The following P3H2 variants were observed in gnomAD, a reference collection of about 807,000 sequenced individuals.
P3H2 encodes the protein leprecan-like 1.
Under a neutral mutation model 87.0 loss-of-function variants are expected in P3H2, and 80 were observed. That is an observed-to-expected ratio of 0.92 (90% CI 0.77 to 1.11). The LOEUF (loss-of-function observed/expected upper bound fraction) is 1.11, where lower values mean the gene tolerates loss of function less well. P3H2 is among the 50% of genes least tolerant of loss of function. P3H2 has a pLI of 0.00. For synonymous variants in P3H2, 367 were observed against 359.3 expected (o/e 1.02, Z -0.24); for missense variants, 1,001 against 923.9 (o/e 1.08, Z -1.08).
chr3:189,986,745 C>A, intron 6 of P3H2, 43 bp downstream of exon 6: 1 of 1,331,384 alleles, frequency 7.5e-7, no homozygotes, highest in South Asian at 1.2e-5. Context: ...AAAAGGATTC[C>A]ACTGAATCAT....
chr3:190,112,005 G>T (rs192159121), intron 1 of P3H2, among the ~76,000 whole-genome samples: 1 of 152,280 alleles, frequency 6.6e-6, no homozygotes, highest in East Asian at 1.9e-4. Flanking sequence ...AATGGGGAGT[G>T]CGATAAAAAT....
intron 1 of P3H2, among the ~76,000 whole-genome samples, chr3:190,081,641 G>A (rs1727048573): frequency 6.6e-6 from 1 of 152,170 alleles, no homozygotes; most frequent in Non-Finnish European, 1.5e-5. Context: ...CAGTCTGGAG[G>A]AGAGGCACTA....
intron 3 of P3H2, among the ~76,000 whole-genome samples, chr3:189,990,503 T>C (rs1170968296): frequency 6.6e-6 from 1 of 151,994 alleles, no homozygotes; most frequent in Non-Finnish European, 1.5e-5. Flanking sequence ...ATGGAAATAT[T>C]TTTTCAAAGC....
chr3:190,034,163 T>C (rs1725340351), intron 1 of P3H2, among the ~76,000 whole-genome samples: 1 of 152,188 alleles, frequency 6.6e-6, no homozygotes, highest in African/African-American at 2.4e-5. Flanking sequence ...AGACCTCTTT[T>C]ATAAATAATC....
intron 1 of P3H2, among the ~76,000 whole-genome samples, chr3:190,081,007 C>T (rs554385686): frequency 7.9e-5 from 12 of 152,218 alleles, no homozygotes; most frequent in Non-Finnish European, 1.3e-4. Flanking sequence ...GATAGTCACA[C>T]TCAGAATATC....
chr3:189,960,548 C>T (rs1310381183), intron 14 of P3H2, among the ~76,000 whole-genome samples: 2 of 152,182 alleles, frequency 1.3e-5, no homozygotes, highest in East Asian at 3.8e-4. Context: ...AATGCCATCT[C>T]CTCAAAGAAG....
intron 1 of P3H2, among the ~76,000 whole-genome samples, chr3:190,032,569 T>G (rs148232552): frequency 2.6e-4 from 39 of 152,224 alleles, no homozygotes; most frequent in African/African-American, 8.9e-4. Flanking sequence ...CACATGAAGG[T>G]CAACTTTGGA....
At chr3:190,010,198 G>GA (rs1724542324) in intron 1 of P3H2, among the ~76,000 whole-genome samples, 1 of 152,132 alleles carries the variant, frequency 6.6e-6, no homozygotes, top group East Asian at 1.9e-4. Flanking sequence ...ATCATGTGTA[G>GA]ACTGGGCAGA....
intron 1 of P3H2, among the ~76,000 whole-genome samples, chr3:190,051,786 A>G (rs1361221813): frequency 1.3e-5 from 2 of 152,210 alleles, no homozygotes; most frequent in Non-Finnish European, 2.9e-5. Context: ...ATCCCCCAAG[A>G]AAGGGCGTTC....
rs749319754 is a variant in P3H2 at position 189,995,460 on chromosome 3, T to A, written c.481-18A>T. 6.2e-7 allele frequency: 1 copy of A among 1,608,510 alleles called. No individual in the cohort carries two copies. Among genetic ancestry groups the A allele is most frequent in the African/African-American group, 1.3e-5 (1 of 74,506 alleles). The stretch of plus-strand genomic sequence containing the variant: ...TGGTTAAGCTAAAGAGAAAAAAAAA[T>A]GACCAAAATGAAGGCAAATATTTCC... On this transcript the variant is annotated intron_variant, in intron 1 of 14. Transcript: ENST00000319332.
At chr3:190,006,966 T>C (rs767268485) in intron 1 of P3H2, among the ~76,000 whole-genome samples, 2 of 152,228 alleles carry the variant, frequency 1.3e-5, no homozygotes, top group Non-Finnish European at 2.9e-5. Flanking sequence ...TAGATATATC[T>C]ATGCATTATC....
At chr3:190,003,960 C>T (rs1054064309) in intron 1 of P3H2, among the ~76,000 whole-genome samples, 2 of 152,200 alleles carry the variant, frequency 1.3e-5, no homozygotes, top group African/African-American at 4.8e-5. Context: ...TCATTAATTT[C>T]ATACCTTAGC....
chr3:190,115,396 T>C (rs946486377), intron 1 of P3H2, among the ~76,000 whole-genome samples: 1 of 150,786 alleles, frequency 6.6e-6, no homozygotes. Context: ...CATTTTTTTT[T>C]CCTTTTTTTA....
intron 8 of P3H2, among the ~76,000 whole-genome samples, chr3:189,979,777 G>C (rs1307372736): frequency 6.6e-6 from 1 of 151,562 alleles, no homozygotes; most frequent in Non-Finnish European, 1.5e-5. Context: ...GCCTGACCGA[G>C]ATGGTGAAAC....
intron 1 of P3H2, among the ~76,000 whole-genome samples, chr3:190,056,200 G>A (rs1457032002): frequency 1.3e-5 from 2 of 152,108 alleles, no homozygotes; most frequent in Non-Finnish European, 2.9e-5. Context: ...TAAACCACCT[G>A]GAACCTTGAT....
Position 189,966,123 on chromosome 3 carries a change from AAAAGAAAGAAAGAAAGAAAGAAAG to A in P3H2, c.1894-2049_1894-2026del, listed in dbSNP as rs34608513. ...GAAAGAAAAAAGAAAGAAAGAAAGAAAAAGAAAGAAAGAAAGAAAGAAAGAAAGAAAGAAAGAAAGAAAGAAAGA... is the reference window on the plus strand; with the variant it reads ...GAAAGAAAAAAGAAAGAAAGAAAGAAAAAGAAAGAAAGAAAGAAAGAAAGA... On this transcript the variant is annotated intron_variant, in intron 13 of 14. Transcript: ENST00000319332. 9.8e-3 allele frequency among the ~76,000 whole-genome samples: 1,002 copies of A among 102,164 alleles called. 11 individuals are homozygous for A. Among genetic ancestry groups the A allele is most frequent in the Middle Eastern group, 0.035 (8 of 226 alleles). 67.0% of individuals were successfully genotyped at this position (102,164 alleles called of 152,430 possible). A position where few individuals can be genotyped will look rare whatever the true frequency, so the allele number is the denominator to read the frequency against.
intron 1 of P3H2, among the ~76,000 whole-genome samples, chr3:190,000,685 T>C (rs1407427624): frequency 6.6e-6 from 1 of 151,982 alleles, no homozygotes; most frequent in Non-Finnish European, 1.5e-5. Context: ...CCAAAGAAAG[T>C]CAAGTGAAAG....
At chr3:190,109,471 T>C (rs953331892) in intron 1 of P3H2, among the ~76,000 whole-genome samples, 2 of 152,198 alleles carry the variant, frequency 1.3e-5, no homozygotes, top group Admixed American at 6.5e-5. Context: ...TTATAAATAA[T>C]TGGGTTTGAG....
intron 1 of P3H2, among the ~76,000 whole-genome samples, chr3:190,041,037 TACACACACACACACACACACACACAC>T (rs1202716732): frequency 6.1e-5 from 3 of 49,340 alleles, no homozygotes; most frequent in African/African-American, 1.7e-4. Flanking sequence ...TATATATATA[TACACACACACACACACACACACACAC>T]ACACACACAC....
Sources: allele counts gnomAD v4.1 joint callset (sites outside exome capture counted in the v4.1 genomes callset), GRCh38; gene constraint gnomAD v4.1.1; transcripts MANE v1.5; gene names NCBI Gene and HGNC (gene_info 2026-07-23, HGNC 2026-07-21).